ELP6: variants seen among roughly 807,000 people sequenced by gnomAD.
The protein encoded by ELP6 is elongator complex protein 6.
A neutral mutation model predicts 28.1 loss-of-function variants in ELP6; 23 were observed. That is an observed-to-expected ratio of 0.82 (90% CI 0.59 to 1.16). ELP6 has a LOEUF of 1.16. ELP6 is among the 50% of genes most tolerant of loss of function. The pLI, the probability that ELP6 is intolerant of heterozygous loss-of-function variation, is 0.00. For synonymous variants in ELP6, 132 were observed against 135.8 expected, an observed-to-expected ratio of 0.97 and a Z score of 0.19; for missense variants, 313 against 334.6, an observed-to-expected ratio of 0.94 and a Z score of 0.50.
chr3:47,496,484 A>C (rs1399728038), intron 6 of ELP6: 1 of 978,078 alleles, frequency 1.0e-6, no homozygotes, highest in Non-Finnish European at 1.2e-6. Context: ...AGACCCTTAA[A>C]GTATTTTTAT....
In ELP6 at chr3:47,510,238, G is replaced by C; in HGVS notation, c.150C>G (p.Cys50Trp). Residue 50 changes from cysteine to tryptophan, a missense_variant, in exon 3 of 7, where the codon TGC (cysteine) becomes TGG (tryptophan). Physicochemically the swap from Cys to Trp is radical, Grantham distance 215 (BLOSUM62 -2). Transcript: ENST00000296149. ...TGAAGGACTGGATGAGTGCCACAAA[G>C]CAGACTTTACAATTAGCTAGAAAAC... is the stretch of plus-strand genomic sequence containing the variant. ...SFYLKANCKV[C>W]FVALIQSFSH... 1 of 1,613,562 alleles carries C rather than the reference G, an allele frequency of 6.2e-7. No homozygotes were observed. Among genetic ancestry groups the C allele is most frequent in the Non-Finnish European group, 8.5e-7 (1 of 1,179,590 alleles).
Position 47,496,180 on chromosome 3 carries a change from C to T in ELP6, c.690G>A (p.Arg230=). ...DVHGQLRILW[R]RPSQPAVHRD... Reference sequence around the variant, plus strand: ...GGTGGACTGCGGGCTGCGATGGTCTCCTCCACAGGATCCTCAGCTACAGAG... The same window carrying T: ...GGTGGACTGCGGGCTGCGATGGTCTTCTCCACAGGATCCTCAGCTACAGAG... Residue 230 remains arginine (R), a synonymous_variant, in exon 7 of 7, where the codon AGG becomes AGA. Transcript: ENST00000296149. 6.2e-7 allele frequency: 1 copy of T among 1,613,984 alleles called. No individual in the cohort carries two copies. The highest frequency in any genetic ancestry group is 8.5e-7 in the Non-Finnish European group (1 of 1,179,986).
chr3:47,501,464 G>A lies in ELP6; in HGVS notation c.525+186C>T, dbSNP rs190887870. On this transcript the variant is annotated intron_variant, in intron 5 of 6. Transcript: ENST00000296149. ...CAATGTTGATCATCCCTTTATTTTG[G>A]GGGGCTTTACTTTTCAGCAATGGCA... 3 of 609,054 alleles carry A rather than the reference G, an allele frequency of 4.9e-6. No homozygotes were observed. In the African/African-American group the frequency reaches 5.6e-5, roughly 11 times the overall value. The allele number at this position is 609,054 out of a possible 1,614,324, so 37.7% of individuals were successfully genotyped here.
In ELP6 at chr3:47,513,657, G is replaced by C; in HGVS notation, c.-67C>G. 1 of 1,594,416 alleles carries C rather than the reference G, an allele frequency of 6.3e-7. No individual in the cohort carries two copies. The highest frequency in any genetic ancestry group is 8.6e-7 in the Non-Finnish European group (1 of 1,165,992). On this transcript the variant is annotated 5_prime_UTR_variant, in exon 1 of 7. Transcript: ENST00000296149. ...TGCTGCAGAGACGACGGAGGCTGGA[G>C]AGCAAAACACACCCGACAGCCCGGC...
chr3:47,504,736 A>G (rs181888925), intron 3 of ELP6: 37 of 733,154 alleles, frequency 5.0e-5, no homozygotes, highest in African/African-American at 5.0e-4. Context: ...CAGGTGGATC[A>G]TTTGAGCCCA....
At chr3:47,503,987 G>A (rs1199717072) in intron 4 of ELP6, among the ~76,000 whole-genome samples, 1 of 152,176 alleles carries the variant, frequency 6.6e-6, no homozygotes, top group African/African-American at 2.4e-5. Context: ...TACAAAAACA[G>A]GCAGCTGACC....
At chr3:47,511,953 T>C (rs1308401340) in intron 1 of ELP6, 3 of 983,648 alleles carry the variant, frequency 3.0e-6, no homozygotes, top group South Asian at 4.7e-5. Flanking sequence ...ACTTACAAAA[T>C]GTGAAAGATC....
chr3:47,513,390 C>T, intron 1 of ELP6, 147 bp downstream of exon 1: 1 of 1,434,252 alleles, frequency 7.0e-7, no homozygotes, highest in Non-Finnish European at 9.1e-7. Flanking sequence ...GTCCAATCCC[C>T]GGGTCGATCC....
chr3:47,511,173 G>A lies in ELP6; in HGVS notation c.108C>T (p.His36=). The A allele has an allele frequency of 1.9e-6, 3 of 1,614,016 alleles. No homozygotes were observed. Among genetic ancestry groups the A allele is most frequent in the Non-Finnish European group, 2.5e-6 (3 of 1,179,936 alleles). The change falls in exon 2 of 7, where the codon CAC becomes CAT. Residue 36 remains histidine, a synonymous_variant. Coordinates refer to ENST00000296149, the MANE Select transcript of ELP6 (RefSeq NM_001031703.3). ...DAKTDGSFLV[H]HFLSFYLKAN... is the part of the protein sequence containing the mutation. Reference sequence around the variant, plus strand: ...CTTTGAGATAGAAGGAGAGAAAGTGGTGTACAAGGAAACTCCCATCTGTCT... The same window carrying A: ...CTTTGAGATAGAAGGAGAGAAAGTGATGTACAAGGAAACTCCCATCTGTCT...
chr3:47,500,470 G>C (rs2108079859), intron 5 of ELP6: 3 of 153,524 alleles, frequency 2.0e-5, no homozygotes, highest in Non-Finnish European at 4.3e-5. Flanking sequence ...GGGAGGGAGA[G>C]AGGCAAGAGC....
chr3:47,511,469 C>G, intron 1 of ELP6: 2 of 1,315,472 alleles, frequency 1.5e-6, no homozygotes, highest in Non-Finnish European at 1.9e-6. Flanking sequence ...TCCACCTCCT[C>G]AAAGCAAACA....
Position 47,495,731 on chromosome 3 carries a change from T to C in ELP6, c.*338A>G, listed in dbSNP as rs1481869412. ...CCGGTGCCATCTCCTGGCTGGCACA[T>C]CTATACCCACTCTGGCTCTGAAAGG... On this transcript the variant is annotated 3_prime_UTR_variant, in exon 7 of 7. Transcript: ENST00000296149. 3.8e-5 allele frequency: 11 copies of C among 286,576 alleles called. No homozygotes were observed. The Admixed American group carries it at 5.9e-4, about 15-fold the overall frequency. 17.8% of individuals were successfully genotyped at this position (286,576 alleles called of 1,614,324 possible).
intron 4 of ELP6, chr3:47,502,317 G>A: frequency 1.1e-5 from 8 of 702,826 alleles, no homozygotes; most frequent in Non-Finnish European, 1.4e-5. Flanking sequence ...GGCTGAGGCA[G>A]GAGAATTGCT....
intron 4 of ELP6, among the ~76,000 whole-genome samples, chr3:47,502,816 G>A (rs1708707570): frequency 6.6e-6 from 1 of 151,876 alleles, no homozygotes; most frequent in African/African-American, 2.4e-5. Context: ...CTCCAGCTTG[G>A]AAAACAGAGC....
intron 4 of ELP6, among the ~76,000 whole-genome samples, chr3:47,503,893 C>T (rs1300491708): frequency 6.6e-6 from 1 of 151,712 alleles, no homozygotes; most frequent in African/African-American, 2.4e-5. Flanking sequence ...TCCATCTCAA[C>T]AACAACAACA....
At chr3:47,513,411 A>G (rs1300175425) in intron 1 of ELP6, 126 bp downstream of exon 1, 5 of 1,482,414 alleles carry the variant, frequency 3.4e-6, no homozygotes, top group Non-Finnish European at 4.4e-6. Flanking sequence ...TCTGCGGACT[A>G]CAACTCCCAG....
chr3:47,499,688 C>T lies in ELP6; in HGVS notation c.526-1256G>A, dbSNP rs549033442. ...AGCCTGGGCAACAAGAGCAAAACTC[C>T]GTCTCAAAAAAAAAAAAAAAAAAAA... On this transcript the variant is annotated intron_variant, in intron 5 of 6. Coordinates refer to ENST00000296149, the MANE Select transcript of ELP6 (RefSeq NM_001031703.3). The T allele has an allele frequency of 1.9e-4, 157 of 835,730 alleles. No individual in the cohort carries two copies. In the South Asian group the frequency reaches 7.4e-3, roughly 40 times the overall value. The allele number at this position is 835,730 out of a possible 1,614,324, so 51.8% of individuals were successfully genotyped here.
chr3:47,497,857 G>A (rs1478647226), intron 6 of ELP6: 2 of 623,502 alleles, frequency 3.2e-6, no homozygotes, highest in Non-Finnish European at 4.0e-6. Flanking sequence ...CTTGAACCCA[G>A]GAGGCGGAGG....
At chr3:47,506,783 G>C (rs1576347313) in intron 3 of ELP6, among the ~76,000 whole-genome samples, 1 of 152,140 alleles carries the variant, frequency 6.6e-6, no homozygotes. Flanking sequence ...TCCTCGGCTT[G>C]CGAGATGACA....
Sources: gnomAD v4.1 joint callset for allele counts (sites outside exome capture counted in the v4.1 genomes callset) on GRCh38, gnomAD v4.1.1 for gene constraint, MANE v1.5 for transcripts, NCBI Gene and HGNC (gene_info 2026-07-23, HGNC 2026-07-21) for gene names.